SRRM3: variants seen among roughly 807,000 people sequenced by gnomAD.
The protein encoded by SRRM3 is serine/arginine repetitive matrix protein 3.
Under a neutral mutation model 66.2 loss-of-function variants are expected in SRRM3, and 27 were observed. The ratio of observed to expected loss-of-function variants is 0.41; its 90% CI spans 0.30 to 0.56. SRRM3 has a LOEUF of 0.56. Among genes scored for constraint, SRRM3 ranks in the 20% least tolerant of loss-of-function variants. The pLI is 0.32. For synonymous variants in SRRM3, 391 were observed against 414.9 expected (o/e 0.94, Z 0.70); for missense variants, 918 against 991.9 (o/e 0.93, Z 1.00).
At chr7:76,254,249 G>C (rs1235872246) in intron 3 of SRRM3, among the ~76,000 whole-genome samples, 1 of 150,682 alleles carries the variant, frequency 6.6e-6, no homozygotes, top group Non-Finnish European at 1.5e-5. Context: ...TTAAACTCCT[G>C]ATCTCAAGTG....
chr7:76,260,986 G>GGAGGCCTGGACCCTC (rs1801848569), intron 6 of SRRM3, 83 bp downstream of exon 6: 1 of 1,442,722 alleles, frequency 6.9e-7, no homozygotes. Context: ...CCCAGAGGCC[G>GGAGGCCTGGACCCTC]GAGGCCTGGA....
rs1183704261 is a variant in SRRM3, at chr7:76,285,049, C to T, written c.1734-566C>T. On this transcript the variant is annotated intron_variant, in intron 14 of 14. Coordinates refer to ENST00000611745, the MANE Select transcript of SRRM3 (RefSeq NM_001110199.3). The surrounding 1 kb of genome is among the most constrained non-coding windows in gnomAD (Gnocchi z 4.1). ...GGGTGATGGGAGCTGTCCACATTTGCAAGTTTCATTCATTCAACAAGTTTT... is the reference window on the plus strand; with the variant it reads ...GGGTGATGGGAGCTGTCCACATTTGTAAGTTTCATTCATTCAACAAGTTTT... Among the ~76,000 whole-genome samples the T allele has an allele frequency of 6.6e-6, 1 of 152,106 alleles. No individual in the cohort carries two copies. The highest frequency in any genetic ancestry group is 2.4e-5 in the African/African-American group (1 of 41,432).
chr7:76,253,512 T>G (rs1801631145), intron 3 of SRRM3, among the ~76,000 whole-genome samples: 1 of 151,582 alleles, frequency 6.6e-6, no homozygotes, highest in African/African-American at 2.4e-5. Context: ...TCTCCGCTAC[T>G]CGGGAAGCTG....
intron 10 of SRRM3, among the ~76,000 whole-genome samples, chr7:76,265,851 TATA>T (rs1235560696): frequency 0.027 from 355 of 12,982 alleles, 11 homozygotes; most frequent in East Asian, 0.1. Context: ...TATATATATA[TATA>T]TATATTTTTT....
chr7:76,211,321 A>G (rs1284843967), intron 1 of SRRM3, among the ~76,000 whole-genome samples: 3 of 150,058 alleles, frequency 2.0e-5, no homozygotes, highest in African/African-American at 7.4e-5. Flanking sequence ...GGAGGAGGTA[A>G]GAGCACCAGG....
At chr7:76,246,901 T>C (rs1279441347) in intron 2 of SRRM3, among the ~76,000 whole-genome samples, 2 of 152,204 alleles carry the variant, frequency 1.3e-5, no homozygotes, top group African/African-American at 4.8e-5. Flanking sequence ...CTCTATGAGG[T>C]TGGGCAAGTC....
chr7:76,244,965 T>C (rs1801402286), intron 2 of SRRM3, among the ~76,000 whole-genome samples: 1 of 152,230 alleles, frequency 6.6e-6, no homozygotes, highest in Non-Finnish European at 1.5e-5. Context: ...GCCCCTGCCC[T>C]CAGGGAACTC....
chr7:76,232,010 A>C (rs1477310344), intron 1 of SRRM3, among the ~76,000 whole-genome samples: 2 of 152,160 alleles, frequency 1.3e-5, no homozygotes, highest in African/African-American at 4.8e-5. Context: ...GCATGGGATG[A>C]AGTTGCAAGA....
Position 76,235,201 on chromosome 7 carries a change from C to G in SRRM3, c.135C>G (p.Gly45=). Residue 45 remains glycine, a synonymous_variant, in exon 2 of 15, where the codon GGC becomes GGG. Transcript: ENST00000611745. Reference sequence around the variant, plus strand: ...AGGAGCTGCGCGCCGCGGAGCCGGGCCTGGTGAAGCGCGCGCACCGCGAGA... The same window carrying G: ...AGGAGCTGCGCGCCGCGGAGCCGGGGCTGGTGAAGCGCGCGCACCGCGAGA... The part of the protein sequence containing the change: ...AEEELRAAEP[G]LVKRAHREIL... 1 of 1,551,006 alleles carries G rather than the reference C, an allele frequency of 6.4e-7. No individual in the cohort carries two copies. The highest frequency in any genetic ancestry group is 8.6e-7 in the Non-Finnish European group (1 of 1,156,794).
At chr7:76,274,439 G>A (rs1802290610) in intron 11 of SRRM3, among the ~76,000 whole-genome samples, 1 of 152,232 alleles carries the variant, frequency 6.6e-6, no homozygotes, top group African/African-American at 2.4e-5. Context: ...GAGCAGGTTT[G>A]AGACCTAGAA....
chr7:76,260,986 G>A (rs781531346), intron 6 of SRRM3, 83 bp downstream of exon 6: 35 of 1,442,596 alleles, frequency 2.4e-5, no homozygotes, highest in Admixed American at 4.1e-5. Flanking sequence ...CCCAGAGGCC[G>A]GAGGCCTGGA....
chr7:76,274,653 G>A (rs1406363214), intron 11 of SRRM3, among the ~76,000 whole-genome samples: 3 of 152,170 alleles, frequency 2.0e-5, no homozygotes, highest in South Asian at 4.1e-4. Flanking sequence ...AGGGTGCAGC[G>A]GCAGAACCAG....
At position 76,281,652 on chromosome 7, in the gene SRRM3, G is replaced by C. The variant is rs1802511973; in HGVS notation, c.1220G>C (p.Gly407Ala). 12 of 976,588 alleles carry C rather than the reference G, an allele frequency of 1.2e-5. No individual in the cohort carries two copies. The highest frequency in any genetic ancestry group is 1.5e-5 in the Non-Finnish European group (12 of 824,266). 60.5% of individuals were successfully genotyped at this position (976,588 alleles called of 1,614,324 possible). Reference protein sequence around the residue: ...RSSASAPRRRGRRRPRPAPPR... With the variant: ...RSSASAPRRRARRRPRPAPPR... ...TCGGCGTCCGCGCCCCGCCGCAGGG[G>C]TCGCCGGCGCCCCCGGCCCGCGCCC... Residue 407 changes from glycine to alanine, a missense_variant, in exon 12 of 15, where the codon GGT becomes GCT. By Grantham distance (60) the Gly-to-Ala change is moderately conservative. Transcript: ENST00000611745.
intron 1 of SRRM3, among the ~76,000 whole-genome samples, chr7:76,203,089 G>A (rs1398012549): frequency 1.3e-5 from 2 of 152,186 alleles, no homozygotes; most frequent in East Asian, 3.8e-4. Flanking sequence ...CCTCTGTCCA[G>A]GGAGCATCTT....
At chr7:76,266,400 T>A (rs1292587473) in intron 10 of SRRM3, among the ~76,000 whole-genome samples, 1 of 113,590 alleles carries the variant, frequency 8.8e-6, no homozygotes, top group Non-Finnish European at 1.6e-5. Context: ...ATTTATATAT[T>A]TTAATTTATA....
At chr7:76,261,028 G>T in intron 6 of SRRM3, 125 bp downstream of exon 6, 1 of 1,070,168 alleles carries the variant, frequency 9.3e-7, no homozygotes, top group Non-Finnish European at 1.3e-6. Context: ...CACTGCCAAG[G>T]TGCAAGTTTT....
chr7:76,279,215 C>T (rs760042242), intron 11 of SRRM3, among the ~76,000 whole-genome samples: 3 of 151,916 alleles, frequency 2.0e-5, no homozygotes, highest in Admixed American at 6.6e-5. Context: ...GCCCAGATCA[C>T]GCCAGTGCAC....
intron 3 of SRRM3, among the ~76,000 whole-genome samples, chr7:76,255,156 T>G (rs1164661390): frequency 7.3e-6 from 1 of 137,356 alleles, no homozygotes; most frequent in African/African-American, 2.7e-5. Context: ...TTCTTTTTTT[T>G]TTTTTTTTTT....
At chr7:76,240,342 CG>C (rs1356078319) in intron 2 of SRRM3, among the ~76,000 whole-genome samples, 1 of 151,224 alleles carries the variant, frequency 6.6e-6, no homozygotes, top group East Asian at 2.0e-4. Context: ...AAAAATAGGC[CG>C]GGTGCATTGG....
Sources: gnomAD v4.1 joint callset for allele counts (sites outside exome capture counted in the v4.1 genomes callset) on GRCh38, gnomAD v4.1.1 for gene constraint, Gnocchi (gnomAD v3.1) non-coding constraint, MANE v1.5 for transcripts, NCBI Gene and HGNC (gene_info 2026-07-23, HGNC 2026-07-21) for gene names.